ADAMTS16: variants seen among roughly 807,000 people sequenced by gnomAD.
ADAMTS16 encodes the protein A disintegrin and metalloproteinase with thrombospondin motifs 16.
ADAMTS16 carries 94 observed loss-of-function variants against 145.8 expected under a neutral mutation model. That is an observed-to-expected ratio of 0.64 (90% CI 0.55 to 0.77). The LOEUF (loss-of-function observed/expected upper bound fraction) is 0.77. ADAMTS16 is among the 30% of genes least tolerant of loss of function. The pLI is 0.00. For missense variants in ADAMTS16, 1,585 were observed against 1,591.5 expected (o/e 1.00, Z 0.07); for synonymous variants, 659 against 604.3 (o/e 1.09, Z -1.33).
chr5:5,175,822 G>T (rs748618040), intron 3 of ADAMTS16, among the ~76,000 whole-genome samples: 3 of 152,250 alleles, frequency 2.0e-5, no homozygotes, highest in South Asian at 4.1e-4. Flanking sequence ...TCCCATGATC[G>T]CTGTTCTCTC....
At chr5:5,242,213 TC>T in intron 17 of ADAMTS16, 22 bp downstream of exon 17, 1 of 1,611,262 alleles carries the variant, frequency 6.2e-7, no homozygotes, top group Non-Finnish European at 8.5e-7. Flanking sequence ...CCAGTGCTGC[TC>T]CTGGAGGCAG....
chr5:5,269,574 C>T lies in ADAMTS16; in HGVS notation c.2789+6791C>T, dbSNP rs1738387305. ...CAGCCCTTCCTCTTGCCAGAATCTCCCTGTGCCTCCAACCCCGCTGCTCTG... is the reference window on the plus strand; with the variant it reads ...CAGCCCTTCCTCTTGCCAGAATCTCTCTGTGCCTCCAACCCCGCTGCTCTG... On this transcript the variant is annotated intron_variant, in intron 18 of 22. Transcript: ENST00000274181. The surrounding 1 kb of genome is among the most constrained non-coding windows in gnomAD (Gnocchi z 4.3). Among the ~76,000 whole-genome samples, 3 of 152,132 alleles carry T rather than the reference C, an allele frequency of 2.0e-5. No individual in the cohort carries two copies. The highest frequency in any genetic ancestry group is 2.0e-4 in the Admixed American group (3 of 15,278).
At position 5,317,231 on chromosome 5, in the gene ADAMTS16, A is replaced by C. The variant is rs1324082859; in HGVS notation, c.3412-903A>C. On this transcript the variant is annotated intron_variant, in intron 21 of 22. Transcript: ENST00000274181. This position sits in a 1 kb window ranked among gnomAD's most constrained non-coding sequence, Gnocchi z 4.5. ...TGAAATACCGTAAATAGAAACCAAG[A>C]TGTTAAGTCTTTTCATGTTTTTCAA... 6.6e-6 allele frequency among the ~76,000 whole-genome samples: 1 copy of C among 152,166 alleles called. No individual in the cohort carries two copies. The highest frequency in any genetic ancestry group is 1.5e-5 in the Non-Finnish European group (1 of 68,034).
intron 17 of ADAMTS16, among the ~76,000 whole-genome samples, chr5:5,255,473 T>C (rs1256369004): frequency 6.6e-6 from 1 of 152,216 alleles, no homozygotes; most frequent in African/African-American, 2.4e-5. Context: ...TTAGAGATCA[T>C]TGGTGATGAT....
chr5:5,257,724 G>A (rs1410275242), intron 17 of ADAMTS16, among the ~76,000 whole-genome samples: 1 of 152,178 alleles, frequency 6.6e-6, no homozygotes, highest in Non-Finnish European at 1.5e-5. Context: ...GATGCTGGCA[G>A]CTTGGTGTCC....
intron 10 of ADAMTS16, among the ~76,000 whole-genome samples, chr5:5,213,115 T>C (rs1208339546): frequency 6.6e-6 from 1 of 152,254 alleles, no homozygotes; most frequent in East Asian, 1.9e-4. Context: ...TTCATTTCTC[T>C]GCAAATTAAA....
intron 21 of ADAMTS16, 98 bp from the exon 22 acceptor site, chr5:5,318,036 C>A (rs1734124435): frequency 8.0e-7 from 1 of 1,248,964 alleles, no homozygotes; most frequent in East Asian, 3.1e-5. Context: ...CCCTCACTGG[C>A]CTGCAGCAGC....
At chr5:5,254,901 T>G (rs1224737463) in intron 17 of ADAMTS16, among the ~76,000 whole-genome samples, 1 of 152,192 alleles carries the variant, frequency 6.6e-6, no homozygotes, top group African/African-American at 2.4e-5. Flanking sequence ...GTATTTTTTA[T>G]GCTCTGGAAC....
intron 21 of ADAMTS16, among the ~76,000 whole-genome samples, chr5:5,315,727 A>G (rs1734033475): frequency 6.6e-6 from 1 of 152,234 alleles, no homozygotes; most frequent in South Asian, 2.1e-4. Flanking sequence ...GTGGTTCTGC[A>G]GAATGTTCCG....
chr5:5,271,434 C>G (rs1328847269), intron 18 of ADAMTS16, among the ~76,000 whole-genome samples: 1 of 152,274 alleles, frequency 6.6e-6, no homozygotes, highest in African/African-American at 2.4e-5. Flanking sequence ...ACGGAGGCTC[C>G]TCCCTGCGCG....
chr5:5,272,699 G>A (rs1475032209), intron 18 of ADAMTS16, among the ~76,000 whole-genome samples: 4 of 152,114 alleles, frequency 2.6e-5, no homozygotes, highest in Admixed American at 6.5e-5. Context: ...TGGCACATTT[G>A]TTTTGCACTG....
In ADAMTS16 at chr5:5,220,937, C is replaced by G. The variant is rs1736585876; in HGVS notation, c.1606-1852C>G. On this transcript the variant is annotated intron_variant, in intron 10 of 22. Transcript: ENST00000274181. ...CAGTATGAAGGAATCTGCTTTCACA[C>G]TCATTCATTCATTCCTTAGGTATGC... 2.6e-5 allele frequency among the ~76,000 whole-genome samples: 4 copies of G among 152,074 alleles called. No individual in the cohort carries two copies. In the South Asian group the frequency reaches 8.3e-4, roughly 32 times the overall value.
chr5:5,182,365 G>A, intron 4 of ADAMTS16, 60 bp downstream of exon 4: 8 of 1,557,264 alleles, frequency 5.1e-6, no homozygotes, highest in Admixed American at 1.8e-5. Context: ...TAAGCTGATG[G>A]AAGCTTGTAC....
Position 5,239,944 on chromosome 5 carries a change from A to C in ADAMTS16, c.2523+19A>C, listed in dbSNP as rs1295341668. ...TGTGGAGGTAAAGTCCAGCCTCTTG[A>C]TTTTGGGGCTTGGATTTTGGGGGTG... On this transcript the variant is annotated intron_variant, in intron 16 of 22. Coordinates refer to ENST00000274181, the MANE Select transcript of ADAMTS16 (RefSeq NM_139056.4). The C allele has an allele frequency of 1.2e-6, 2 of 1,611,032 alleles. No homozygotes were observed. Among genetic ancestry groups the C allele is most frequent in the South Asian group, 1.1e-5 (1 of 90,882 alleles).
intron 18 of ADAMTS16, among the ~76,000 whole-genome samples, chr5:5,264,869 G>A (rs981949287): frequency 6.6e-6 from 1 of 152,174 alleles, no homozygotes; most frequent in South Asian, 2.1e-4. Context: ...GTCAGCCAGG[G>A]CCTGTGGAGT....
chr5:5,195,789 A>T (rs1735784461), intron 8 of ADAMTS16, among the ~76,000 whole-genome samples: 1 of 152,234 alleles, frequency 6.6e-6, no homozygotes, highest in Non-Finnish European at 1.5e-5. Flanking sequence ...GGCATTGTGT[A>T]GGAGTCTACA....
intron 9 of ADAMTS16, among the ~76,000 whole-genome samples, chr5:5,203,166 G>A (rs190574887): frequency 6.5e-4 from 99 of 152,220 alleles, no homozygotes; most frequent in Non-Finnish European, 1.1e-3. Flanking sequence ...AAGGTTTTAC[G>A]TGCTTACAGA....
intron 10 of ADAMTS16, among the ~76,000 whole-genome samples, chr5:5,215,890 A>ATATG (rs1560952833): frequency 4.2e-5 from 4 of 96,352 alleles, no homozygotes; most frequent in Non-Finnish European, 9.6e-5. Flanking sequence ...ATATATATAT[A>ATATG]TATATATATA....
chr5:5,249,206 G>A (rs1032250561), intron 17 of ADAMTS16, among the ~76,000 whole-genome samples: 1 of 152,270 alleles, frequency 6.6e-6, no homozygotes, highest in East Asian at 1.9e-4. Context: ...CAAATTACAT[G>A]TGTATTGTCA....
Sources: allele counts gnomAD v4.1 joint callset (sites outside exome capture counted in the v4.1 genomes callset), GRCh38; gene constraint gnomAD v4.1.1; non-coding constraint Gnocchi (gnomAD v3.1); transcripts MANE v1.5; gene names NCBI Gene and HGNC (gene_info 2026-07-23, HGNC 2026-07-21).